The following NRTN variants were observed in gnomAD, a reference collection of about 807,000 sequenced individuals.
The protein encoded by NRTN is neurturin, also known as prepro-neurturin.
In NRTN, 3 loss-of-function variants were observed where a neutral mutation model predicts 7.5. That is an observed-to-expected ratio of 0.40 (90% CI 0.18 to 1.03). The LOEUF (loss-of-function observed/expected upper bound fraction) is 1.03, where lower values mean the gene tolerates loss of function less well. Among genes scored for constraint, NRTN ranks in the 50% least tolerant of loss-of-function variants. The pLI is 0.34. For missense variants in NRTN, 310 were observed against 307.0 expected (o/e 1.01, Z -0.07); for synonymous variants, 157 against 146.6 (o/e 1.07, Z -0.51).
chr19:5,813,414 G>A (rs2007761), intron 1 of NRTN, among the ~76,000 whole-genome samples: 35,183 of 151,858 alleles, frequency 0.23, 4,247 homozygotes, highest in South Asian at 0.31. Flanking sequence ...GCTCACGCCT[G>A]TAATCCCAGC....
chr19:5,809,006 C>T (rs886439950), intron 1 of NRTN, among the ~76,000 whole-genome samples: 36 of 151,864 alleles, frequency 2.4e-4, no homozygotes, highest in African/African-American at 7.0e-4. Flanking sequence ...CCTCCCGCCT[C>T]GGCCTCCCAA....
In NRTN at chr19:5,827,768, G is replaced by T; in HGVS notation, c.189G>T (p.Gly63=). Residue 63 remains glycine (G), a synonymous_variant, in exon 3 of 3, where the codon GGG becomes GGT. Coordinates refer to ENST00000303212, the MANE Select transcript of NRTN (RefSeq NM_004558.5). ...TCGCAGACCGTGCACTCCTGCAGGG[G>T]GCCCCGGATGCGATGGAGCTGCGCG... The part of the protein sequence containing the change: ...RLAQYRALLQ[G]APDAMELREL... 1 of 1,224,694 alleles carries T rather than the reference G, an allele frequency of 8.2e-7. No homozygotes were observed. Among genetic ancestry groups the T allele is most frequent in the Non-Finnish European group, 1.0e-6 (1 of 980,522 alleles). The allele number at this position is 1,224,694 out of a possible 1,614,324, so 75.9% of individuals were successfully genotyped here. A position where few individuals can be genotyped will look rare whatever the true frequency, so the allele number is the denominator to read the frequency against.
chr19:5,822,859 A>C (rs1744567470), intron 1 of NRTN, among the ~76,000 whole-genome samples: 2 of 152,032 alleles, frequency 1.3e-5, no homozygotes, highest in African/African-American at 4.8e-5. Flanking sequence ...CAAAAACAAA[A>C]AAAATTAAAA....
At chr19:5,822,476 C>T (rs919071989) in intron 1 of NRTN, among the ~76,000 whole-genome samples, 11 of 152,226 alleles carry the variant, frequency 7.2e-5, no homozygotes, top group African/African-American at 9.6e-5. Context: ...GGAGCCCAGA[C>T]GGCGTCGAGT....
At chr19:5,819,923 GT>G (rs2057017631) in intron 1 of NRTN, among the ~76,000 whole-genome samples, 1 of 152,008 alleles carries the variant, frequency 6.6e-6, no homozygotes, top group African/African-American at 2.4e-5. Context: ...CTATATCTGT[GT>G]TAAGTTTGTA....
intron 1 of NRTN, among the ~76,000 whole-genome samples, chr19:5,815,945 A>G (rs183146215): frequency 4.6e-5 from 7 of 151,776 alleles, no homozygotes. Context: ...GGGTTTTGCC[A>G]TGTTGGCCAG....
chr19:5,816,827 T>C (rs947404575), intron 1 of NRTN, among the ~76,000 whole-genome samples: 5 of 152,326 alleles, frequency 3.3e-5, no homozygotes, highest in South Asian at 2.1e-4. Flanking sequence ...AGTGAGTGTT[T>C]TGAATGAAGG....
chr19:5,805,492 G>T lies in NRTN; in HGVS notation c.-399+41G>T, dbSNP rs1423933302. On this transcript the variant is annotated intron_variant, in intron 1 of 2. Coordinates refer to ENST00000303212, the MANE Select transcript of NRTN (RefSeq NM_004558.5). ...GCGGGGCAGGTGGGGGGGCAGCAGG[G>T]TACGACGGGGACGACCTGCCCCATG... 5.3e-5 allele frequency among the ~76,000 whole-genome samples: 8 copies of T among 151,892 alleles called. No individual in the cohort carries two copies. In the East Asian group the frequency reaches 1.5e-3, roughly 29 times the overall value.
At chr19:5,823,008 A>G (rs1238028949) in intron 1 of NRTN, among the ~76,000 whole-genome samples, 2 of 147,012 alleles carry the variant, frequency 1.4e-5, no homozygotes, top group Non-Finnish European at 3.0e-5. Flanking sequence ...TGGGTGACAG[A>G]GCAAGACCCT....
chr19:5,827,701 C>T, intron 2 of NRTN, 48 bp from the exon 3 acceptor site: 1 of 696,382 alleles, frequency 1.4e-6, no homozygotes, highest in Non-Finnish European at 1.9e-6. Flanking sequence ...CTCCCTCCCA[C>T]CCCCTGCACC....
chr19:5,805,945 G>A (rs2056974048), intron 1 of NRTN, among the ~76,000 whole-genome samples: 1 of 151,974 alleles, frequency 6.6e-6, no homozygotes, highest in Admixed American at 6.6e-5. Flanking sequence ...CCTGCTCGCC[G>A]CCGCCGCCGC....
At chr19:5,822,567 G>A (rs933916890) in intron 1 of NRTN, among the ~76,000 whole-genome samples, 101 of 152,336 alleles carry the variant, frequency 6.6e-4, no homozygotes, top group African/African-American at 2.4e-3. Context: ...ACAGCACCAA[G>A]TAACTGGTGC....
intron 2 of NRTN, among the ~76,000 whole-genome samples, chr19:5,826,340 A>AC (rs988165753): frequency 6.6e-6 from 1 of 150,986 alleles, no homozygotes; most frequent in East Asian, 2.0e-4. Flanking sequence ...GTCATCGCCC[A>AC]CCCCCCGCAC....
At chr19:5,812,742 G>A (rs1244325041) in intron 1 of NRTN, among the ~76,000 whole-genome samples, 1 of 152,224 alleles carries the variant, frequency 6.6e-6, no homozygotes, top group Non-Finnish European at 1.5e-5. Flanking sequence ...CCCTGGCCAA[G>A]TCTTGCCCCT....
intron 1 of NRTN, among the ~76,000 whole-genome samples, chr19:5,823,373 C>T (rs1047500251): frequency 5.9e-5 from 9 of 152,036 alleles, no homozygotes; most frequent in African/African-American, 1.9e-4. Context: ...GCTGAGATTG[C>T]GCCACTGCAC....
chr19:5,809,270 A>C (rs1016289419), intron 1 of NRTN, among the ~76,000 whole-genome samples: 2 of 150,976 alleles, frequency 1.3e-5, no homozygotes, highest in Admixed American at 1.3e-4. Context: ...TCCTGGACTC[A>C]AGCGATCCTC....
intron 2 of NRTN, among the ~76,000 whole-genome samples, chr19:5,825,359 G>A (rs990002419): frequency 3.9e-5 from 6 of 152,210 alleles, no homozygotes; most frequent in Non-Finnish European, 5.9e-5. Flanking sequence ...CATCTGAGGC[G>A]TGGATGCCGG....
chr19:5,814,986 G>A (rs1326787535), intron 1 of NRTN, among the ~76,000 whole-genome samples: 3 of 152,252 alleles, frequency 2.0e-5, no homozygotes, highest in Non-Finnish European at 2.9e-5. Flanking sequence ...GACGGCACCT[G>A]GGATCCCTGC....
In NRTN at chr19:5,827,943, G is replaced by A; in HGVS notation, c.364G>A (p.Asp122Asn). 2 of 1,486,132 alleles carry A rather than the reference G, an allele frequency of 1.3e-6. No homozygotes were observed. The highest frequency in any genetic ancestry group is 8.9e-7 in the Non-Finnish European group (1 of 1,123,538). 92.1% of individuals were successfully genotyped at this position (1,486,132 alleles called of 1,614,324 possible). The change falls in exon 3 of 3, where the codon GAC (aspartate) becomes AAC (asparagine). Residue 122 changes from aspartate to asparagine, a missense_variant. Asp to Asn is a conservative substitution (Grantham distance 23). Coordinates refer to ENST00000303212, the MANE Select transcript of NRTN (RefSeq NM_004558.5). Reference protein sequence around the residue: ...VSELGLGYASDETVLFRYCAG... With the variant: ...VSELGLGYASNETVLFRYCAG... ...CGAGCTGGGCCTGGGCTACGCGTCC[G>A]ACGAGACGGTGCTGTTCCGCTACTG...
Sources: allele counts gnomAD v4.1 joint callset (sites outside exome capture counted in the v4.1 genomes callset), GRCh38; gene constraint gnomAD v4.1.1; transcripts MANE v1.5; gene names NCBI Gene and HGNC (gene_info 2026-07-23, HGNC 2026-07-21).